Variants in CD55 observed in about 807,000 individuals in gnomAD.
CD55 encodes the protein CD55 molecule (Cromer blood group).
In CD55, 41 loss-of-function variants were observed where a neutral mutation model predicts 45.8. The observed-to-expected ratio is 0.90, with a 90% CI of 0.70 to 1.16. The LOEUF (loss-of-function observed/expected upper bound fraction) is 1.16. Ranked by LOEUF, CD55 falls within the 50% of genes most tolerant of loss-of-function variation. The pLI, the probability that CD55 is intolerant of heterozygous loss-of-function variation, is 0.00. For missense variants in CD55, 416 were observed against 469.8 expected (o/e 0.89, Z 1.06); for synonymous variants, 181 against 181.1 (o/e 1.00, Z 0.01).
Position 207,325,735 on chromosome 1 carries a change from T to C in CD55, c.578+14T>C, listed in dbSNP as rs750721259. 102 of 1,460,592 alleles carry C rather than the reference T, an allele frequency of 7.0e-5. No individual in the cohort carries two copies. The highest frequency in any genetic ancestry group is 9.1e-5 in the Non-Finnish European group (95 of 1,043,630). The allele number at this position is 1,460,592 out of a possible 1,614,324, so 90.5% of individuals were successfully genotyped here. ...ATGTAACACAGGGTAAGTTTGGGCATACTAAAACCCTGTATTTAGGAAATG... is the reference window on the plus strand; with the variant it reads ...ATGTAACACAGGGTAAGTTTGGGCACACTAAAACCCTGTATTTAGGAAATG... On this transcript the variant is annotated intron_variant, in intron 4 of 9. Coordinates refer to ENST00000367064, the MANE Select transcript of CD55 (RefSeq NM_000574.5).
Position 207,344,405 on chromosome 1 carries a change from A to G in CD55, c.1081+4988A>G, listed in dbSNP as rs561495103. Among the ~76,000 whole-genome samples, 56 of 152,224 alleles carry G rather than the reference A, an allele frequency of 3.7e-4. 1 individual carries two copies. Among genetic ancestry groups the G allele is most frequent in the Middle Eastern group, 6.8e-3 (2 of 294 alleles). ...CTCCCTTAAGCATTTCTTGTAAGCC[A>G]TCTCATGGTGATGAATTCCATCATG... On this transcript the variant is annotated intron_variant, in intron 9 of 9. Coordinates refer to ENST00000367064, the MANE Select transcript of CD55 (RefSeq NM_000574.5).
chr1:207,345,018 A>G (rs552523625), intron 9 of CD55, among the ~76,000 whole-genome samples: 1 of 152,260 alleles, frequency 6.6e-6, no homozygotes, highest in Admixed American at 6.5e-5. Flanking sequence ...ACCGGGCCAG[A>G]GAAGACCTTT....
chr1:207,325,584 A>T, intron 3 of CD55, 38 bp from the exon 4 acceptor site: 1 of 1,322,330 alleles, frequency 7.6e-7, no homozygotes, highest in Non-Finnish European at 1.1e-6. Flanking sequence ...TATGCCTGAT[A>T]ATTTAATTTT....
rs1656260633 is a variant in CD55, at chr1:207,360,579, AAGC to A, written c.*972_*974del. 1 of 152,200 alleles carries A rather than the reference AAGC, an allele frequency of 6.6e-6. No homozygotes were observed. The highest frequency in any genetic ancestry group is 1.5e-5 in the Non-Finnish European group (1 of 68,018). The allele number at this position is 152,200 out of a possible 1,614,324, so 9.4% of individuals were successfully genotyped here. A position where few individuals can be genotyped will look rare whatever the true frequency, so the allele number is the denominator to read the frequency against. On this transcript the variant is annotated 3_prime_UTR_variant, in exon 10 of 10. Coordinates refer to ENST00000367064, the MANE Select transcript of CD55 (RefSeq NM_000574.5). Reference sequence around the variant, plus strand: ...AAGAAATTCCCTACCTGCTTCCTACAAGCAGTTCAGAATGCCATGCCTTGGTTG... The same window carrying A: ...AAGAAATTCCCTACCTGCTTCCTACAAGTTCAGAATGCCATGCCTTGGTTG...
At chr1:207,342,660 G>A (rs1253597522) in intron 9 of CD55, among the ~76,000 whole-genome samples, 1 of 152,010 alleles carries the variant, frequency 6.6e-6, no homozygotes, top group African/African-American at 2.4e-5. Context: ...TGATTTTGTT[G>A]TTCTTGTTGT....
At position 207,359,787 on chromosome 1, in the gene CD55, A is replaced by G. The variant is rs55807530; in HGVS notation, c.*177A>G. 4.2e-5 allele frequency: 29 copies of G among 690,700 alleles called. No individual in the cohort carries two copies. The highest frequency in any genetic ancestry group is 6.1e-4 in the Middle Eastern group (2 of 3,272). 42.8% of individuals were successfully genotyped at this position (690,700 alleles called of 1,614,324 possible). A position where few individuals can be genotyped will look rare whatever the true frequency, so the allele number is the denominator to read the frequency against. On this transcript the variant is annotated 3_prime_UTR_variant, in exon 10 of 10. Transcript: ENST00000367064. ...GCAAGGAGAAAAAAGGCAGTCCTGG[A>G]ATCACATTCTTAGCACACCTACACC...
chr1:207,323,367 A>G (rs1315463444), intron 2 of CD55, among the ~76,000 whole-genome samples: 1 of 151,938 alleles, frequency 6.6e-6, no homozygotes, highest in African/African-American at 2.4e-5. Flanking sequence ...AAAAATGAAT[A>G]AGAGGCCCAG....
At chr1:207,322,321 A>C in intron 1 of CD55, 61 bp from the exon 2 acceptor site, 1 of 1,432,442 alleles carries the variant, frequency 7.0e-7, no homozygotes, top group Non-Finnish European at 9.9e-7. Context: ...TGTGTCTTGA[A>C]AACAGCAACT....
chr1:207,330,194 A>G (rs954403181), intron 5 of CD55, among the ~76,000 whole-genome samples: 4 of 152,210 alleles, frequency 2.6e-5, no homozygotes, highest in African/African-American at 9.6e-5. Flanking sequence ...TGTAAATCAG[A>G]ACAGCTTGTT....
rs199597221 is a variant in CD55 at position 207,329,616 on chromosome 1, C to CT, written c.665-1484dup. Among the ~76,000 whole-genome samples the CT allele has an allele frequency of 1.4e-3, 210 of 151,296 alleles. 7 individuals are homozygous for CT. In the East Asian group the frequency reaches 0.03, roughly 22 times the overall value. On this transcript the variant is annotated intron_variant, in intron 5 of 9. Coordinates refer to ENST00000367064, the MANE Select transcript of CD55 (RefSeq NM_000574.5). ...TGGTTTCCATGTACCTCTTTTTTTT[C>CT]TTTTTTTTAAATTGAGACAGGGTCT...
chr1:207,350,013 T>C (rs1655800411), intron 9 of CD55: 1 of 416,542 alleles, frequency 2.4e-6, no homozygotes, highest in South Asian at 1.8e-5. Flanking sequence ...GCGGCTCTTA[T>C]TATTTTGTGG....
intron 9 of CD55, among the ~76,000 whole-genome samples, chr1:207,358,843 C>G (rs1469980722): frequency 6.6e-6 from 1 of 152,030 alleles, no homozygotes; most frequent in Non-Finnish European, 1.5e-5. Context: ...TCATCTCATC[C>G]TACATTTTGA....
At chr1:207,349,875 G>A (rs1187118973) in intron 9 of CD55, among the ~76,000 whole-genome samples, 4 of 152,106 alleles carry the variant, frequency 2.6e-5, no homozygotes, top group African/African-American at 7.2e-5. Context: ...GATTGCTGTG[G>A]CTAGGATTTC....
At chr1:207,342,068 T>C (rs922339751) in intron 9 of CD55, among the ~76,000 whole-genome samples, 2 of 152,178 alleles carry the variant, frequency 1.3e-5, no homozygotes, top group African/African-American at 2.4e-5. Context: ...AGAAATGTTA[T>C]TGATTTTTGT....
At chr1:207,321,918 A>C (rs1322199750) in intron 1 of CD55, 53 bp downstream of exon 1, 1 of 1,330,804 alleles carries the variant, frequency 7.5e-7, no homozygotes, top group African/African-American at 1.5e-5. Context: ...GGGAGGTCCA[A>C]GTCGGTCTCT....
chr1:207,335,008 A>T (rs922485446), intron 6 of CD55, among the ~76,000 whole-genome samples: 2 of 152,168 alleles, frequency 1.3e-5, no homozygotes, highest in Non-Finnish European at 2.9e-5. Flanking sequence ...CTTCAAAATA[A>T]GCTGACACAG....
Position 207,324,648 on chromosome 1 carries a change from G to C in CD55, c.376G>C (p.Glu126Gln), listed in dbSNP as rs1182858679. ...QNYFPVGTVV[E>Q]YECRPGYRRE... ...TTATTTTCCAGTCGGTACTGTTGTG[G>C]AATATGAGTGCCGTCCAGGTTACAG... Residue 126 changes from glutamate (E) to glutamine (Q), a missense_variant, in exon 3 of 10, where the codon GAA (glutamate) becomes CAA (glutamine). This residue lies in a region of CD55 where 111 missense variants were observed against 163.4 expected (regional missense o/e 0.68). Transcript: ENST00000367064. The C allele has an allele frequency of 1.2e-6, 2 of 1,612,628 alleles. No homozygotes were observed. The highest frequency in any genetic ancestry group is 2.7e-5 in the African/African-American group (2 of 74,838).
chr1:207,346,074 C>T lies in CD55; in HGVS notation c.1081+6657C>T, dbSNP rs112093574. On this transcript the variant is annotated intron_variant, in intron 9 of 9. Transcript: ENST00000367064. The stretch of plus-strand genomic sequence containing the variant: ...TGGCTCACTTGGGTGCCAGAAATGG[C>T]GGGTGACCTGGTTCTCAGGCTACTT... 5.5e-3 allele frequency among the ~76,000 whole-genome samples: 841 copies of T among 152,326 alleles called. 8 individuals are homozygous for T. Among genetic ancestry groups the T allele is most frequent in the African/African-American group, 0.018 (761 of 41,562 alleles).
intron 2 of CD55, among the ~76,000 whole-genome samples, chr1:207,324,196 G>A (rs1654561571): frequency 6.6e-6 from 1 of 152,090 alleles, no homozygotes; most frequent in Non-Finnish European, 1.5e-5. Context: ...CCAGGGGTCT[G>A]GAAATACCCT....
Sources: gnomAD v4.1 joint callset for allele counts (sites outside exome capture counted in the v4.1 genomes callset) on GRCh38, gnomAD v4.1.1 for gene constraint, gnomAD v4.1.1 regional missense constraint, MANE v1.5 for transcripts, NCBI Gene and HGNC (gene_info 2026-07-23, HGNC 2026-07-21) for gene names.